Variants in TANC2 observed in about 807,000 individuals in gnomAD.
TANC2 encodes tetratricopeptide repeat, ankyrin repeat and coiled-coil containing 2.
Under a neutral mutation model 210.5 loss-of-function variants are expected in TANC2, and 26 were observed. The ratio of observed to expected loss-of-function variants is 0.12; its 90% CI spans 0.09 to 0.17. The LOEUF is 0.17. Among genes scored for constraint, TANC2 ranks in the 10% least tolerant of loss-of-function variants. The pLI, the probability that TANC2 is intolerant of heterozygous loss-of-function variation, is 1.00. For synonymous variants in TANC2, 931 were observed against 967.1 expected, an observed-to-expected ratio of 0.96 and a Z score of 0.69; for missense variants, 2,129 against 2,608.9, an observed-to-expected ratio of 0.82 and a Z score of 4.01.
At chr17:63,363,541 G>A (rs2047024513) in intron 14 of TANC2, among the ~76,000 whole-genome samples, 1 of 152,126 alleles carries the variant, frequency 6.6e-6, no homozygotes, top group African/African-American at 2.4e-5. Context: ...TTTGTATATG[G>A]TGAGAGATAG....
At chr17:63,009,699 G>C (rs911518791) in intron 2 of TANC2, 73 bp downstream of exon 2, 1 of 1,273,966 alleles carries the variant, frequency 7.8e-7, no homozygotes, top group Non-Finnish European at 1.1e-6. Context: ...CTGAATTAAT[G>C]CTGTAACACT....
At chr17:63,053,277 A>G (rs1486650962) in intron 2 of TANC2, among the ~76,000 whole-genome samples, 9 of 152,230 alleles carry the variant, frequency 5.9e-5, no homozygotes, top group East Asian at 1.9e-4. Flanking sequence ...TCTAATCTCT[A>G]TTGAACTTAA....
intron 5 of TANC2, among the ~76,000 whole-genome samples, chr17:63,191,716 G>A (rs2041192731): frequency 6.6e-6 from 1 of 152,110 alleles, no homozygotes; most frequent in African/African-American, 2.4e-5. Context: ...ACCTGCCTCG[G>A]CATCCCAAAG....
intron 8 of TANC2, among the ~76,000 whole-genome samples, chr17:63,261,167 C>T (rs1036549575): frequency 6.6e-6 from 1 of 151,870 alleles, no homozygotes; most frequent in African/African-American, 2.4e-5. Flanking sequence ...TGGCTTGAGC[C>T]CAGGAGATTG....
chr17:63,212,100 G>C (rs960671396), intron 7 of TANC2, among the ~76,000 whole-genome samples: 9 of 151,916 alleles, frequency 5.9e-5, no homozygotes, highest in Non-Finnish European at 1.3e-4. Context: ...TCATTGTTCA[G>C]TTCCCACCTA....
At chr17:63,087,490 A>G (rs7224098) in intron 3 of TANC2, among the ~76,000 whole-genome samples, 81,503 of 151,808 alleles carry the variant, frequency 0.54, 23,413 homozygotes, top group African/African-American at 0.73. Flanking sequence ...GGCTAGAGGA[A>G]GCTGAAGTTT....
chr17:63,400,500 T>A (rs1374874249), intron 19 of TANC2, among the ~76,000 whole-genome samples: 2 of 152,172 alleles, frequency 1.3e-5, no homozygotes, highest in Non-Finnish European at 2.9e-5. Flanking sequence ...TTCAAGATTT[T>A]AAAAAATCAA....
intron 4 of TANC2, among the ~76,000 whole-genome samples, chr17:63,144,421 A>G (rs1472635562): frequency 6.6e-6 from 1 of 152,188 alleles, no homozygotes; most frequent in Non-Finnish European, 1.5e-5. Context: ...TTATATTTGT[A>G]TAAATCACAG....
chr17:63,299,594 C>T (rs1396043662), intron 9 of TANC2, among the ~76,000 whole-genome samples: 1 of 129,658 alleles, frequency 7.7e-6, no homozygotes, highest in Non-Finnish European at 1.6e-5. Flanking sequence ...TGCGAAGTGT[C>T]TGTTCATATC....
intron 3 of TANC2, among the ~76,000 whole-genome samples, chr17:63,082,144 C>G (rs983232007): frequency 6.6e-6 from 1 of 152,138 alleles, no homozygotes; most frequent in Non-Finnish European, 1.5e-5. Context: ...ACACTCCAGC[C>G]TGGGCGACAG....
intron 12 of TANC2, among the ~76,000 whole-genome samples, chr17:63,346,740 C>T (rs1259065054): frequency 6.6e-6 from 1 of 152,190 alleles, no homozygotes; most frequent in Non-Finnish European, 1.5e-5. Flanking sequence ...GTCTCTCACT[C>T]TGTAGCCAAG....
chr17:63,186,651 C>T lies in TANC2; in HGVS notation c.434-7340C>T, dbSNP rs547649891. The stretch of plus-strand genomic sequence containing the variant: ...GATTACAGGCGTGAGCCACCGCACC[C>T]GGGCTTTCTTCGAGTCTTCTATACT... On this transcript the variant is annotated intron_variant, in intron 5 of 27. Transcript: ENST00000689528. Among the ~76,000 whole-genome samples the T allele has an allele frequency of 2.0e-4, 31 of 152,228 alleles. 1 individual carries two copies. The highest frequency in any genetic ancestry group is 1.2e-3 in the East Asian group (6 of 5,164).
chr17:63,076,187 AT>A (rs1456980733), intron 3 of TANC2, among the ~76,000 whole-genome samples: 3 of 152,166 alleles, frequency 2.0e-5, no homozygotes, highest in Admixed American at 6.5e-5. Flanking sequence ...AGCTGGGCAA[AT>A]GCTGAACTCC....
chr17:63,294,634 A>C (rs375586528), intron 9 of TANC2, among the ~76,000 whole-genome samples: 1 of 152,212 alleles, frequency 6.6e-6, no homozygotes. Context: ...ATGCCCACCA[A>C]CTTGATTTCA....
chr17:63,310,033 A>G (rs553298707), intron 9 of TANC2, among the ~76,000 whole-genome samples: 1 of 152,166 alleles, frequency 6.6e-6, no homozygotes, highest in African/African-American at 2.4e-5. Context: ...AAAAAATGTT[A>G]ATGTTTTTAT....
chr17:63,001,994 G>A (rs1209717973), intron 1 of TANC2, among the ~76,000 whole-genome samples: 1 of 152,148 alleles, frequency 6.6e-6, no homozygotes. Flanking sequence ...AATTAAACAG[G>A]CATCTTCTCT....
At chr17:63,209,966 G>A (rs1266543395) in intron 7 of TANC2, among the ~76,000 whole-genome samples, 1 of 152,062 alleles carries the variant, frequency 6.6e-6, no homozygotes, top group Non-Finnish European at 1.5e-5. Flanking sequence ...ATGTTAACCT[G>A]ATTTTGCATT....
At position 63,073,983 on chromosome 17, in the gene TANC2, T is replaced by A. The variant is rs755557492; in HGVS notation, c.108T>A (p.Ser36Arg). Residue 36 changes from serine (S) to arginine (R), a missense_variant, in exon 3 of 28, where the codon AGT becomes AGA. By Grantham distance (110) the Ser-to-Arg change is moderately radical. Coordinates refer to ENST00000689528, the Ensembl canonical transcript of TANC2. Reference sequence around the variant, plus strand: ...AACCACCGGATCGAAGACAGTCAAGTGTAGACTCTCGCCAAAGCCGCTCTG... The same window carrying A: ...AACCACCGGATCGAAGACAGTCAAGAGTAGACTCTCGCCAAAGCCGCTCTG... 6.3e-7 allele frequency: 1 copy of A among 1,590,164 alleles called. No homozygotes were observed. Among genetic ancestry groups the A allele is most frequent in the Non-Finnish European group, 8.6e-7 (1 of 1,167,824 alleles).
intron 2 of TANC2, among the ~76,000 whole-genome samples, chr17:63,068,589 T>C (rs1369196529): frequency 6.6e-6 from 1 of 152,176 alleles, no homozygotes; most frequent in Admixed American, 6.5e-5. Context: ...ACAATTGATA[T>C]ATTCATACAG....
Sources: allele counts gnomAD v4.1 joint callset (sites outside exome capture counted in the v4.1 genomes callset), GRCh38; gene constraint gnomAD v4.1.1; transcripts MANE v1.5; gene names NCBI Gene and HGNC (gene_info 2026-07-23, HGNC 2026-07-21).